Variants in LRRTM3 observed in about 807,000 individuals in gnomAD.
LRRTM3 encodes the protein leucine-rich repeat transmembrane neuronal protein 3.
In LRRTM3, 24 loss-of-function variants were observed where a neutral mutation model predicts 44.7. The ratio of observed to expected loss-of-function variants is 0.54; its 90% CI spans 0.39 to 0.76. The LOEUF is 0.76. Among genes scored for constraint, LRRTM3 ranks in the 30% least tolerant of loss-of-function variants. LRRTM3 has a pLI of 0.00. For synonymous variants in LRRTM3, 277 were observed against 278.7 expected, an observed-to-expected ratio of 0.99 and a Z score of 0.06; for missense variants, 587 against 702.2, an observed-to-expected ratio of 0.84 and a Z score of 1.85.
At chr10:66,956,396 T>C (rs1848794783) in intron 2 of LRRTM3, among the ~76,000 whole-genome samples, 1 of 152,032 alleles carries the variant, frequency 6.6e-6, no homozygotes, top group South Asian at 2.1e-4. Context: ...GCTATCTTGT[T>C]AATGTATTGA....
At chr10:66,995,159 T>C (rs1206196841) in intron 2 of LRRTM3, among the ~76,000 whole-genome samples, 1 of 152,144 alleles carries the variant, frequency 6.6e-6, no homozygotes, top group East Asian at 1.9e-4. Flanking sequence ...TTCCATAATC[T>C]CAAACATAAC....
chr10:67,035,124 C>T (rs1853968776), intron 2 of LRRTM3, among the ~76,000 whole-genome samples: 1 of 152,188 alleles, frequency 6.6e-6, no homozygotes, highest in Non-Finnish European at 1.5e-5. Context: ...GTGCATATTA[C>T]CTCTGCTAGA....
intron 2 of LRRTM3, among the ~76,000 whole-genome samples, chr10:67,007,664 A>C (rs577192021): frequency 1.3e-5 from 2 of 152,040 alleles, no homozygotes; most frequent in Non-Finnish European, 2.9e-5. Context: ...GCCTTCAAAG[A>C]CCACTCAACA....
intron 2 of LRRTM3, among the ~76,000 whole-genome samples, chr10:66,961,061 T>C (rs1849083809): frequency 2.0e-5 from 3 of 152,160 alleles, no homozygotes; most frequent in South Asian, 4.1e-4. Flanking sequence ...CACAAATTAG[T>C]GATACAGTAA....
chr10:67,078,647 G>A (rs1040313797), intron 2 of LRRTM3, among the ~76,000 whole-genome samples: 1 of 151,980 alleles, frequency 6.6e-6, no homozygotes, highest in African/African-American at 2.4e-5. Context: ...CTCCCAAGTA[G>A]CTGGGATTAC....
intron 2 of LRRTM3, among the ~76,000 whole-genome samples, chr10:66,997,956 C>T (rs1851451434): frequency 1.3e-5 from 2 of 152,166 alleles, no homozygotes; most frequent in Non-Finnish European, 2.9e-5. Flanking sequence ...AAGTTCACTA[C>T]CACTGCTTCA....
At chr10:66,976,963 C>T (rs1004074254) in intron 2 of LRRTM3, among the ~76,000 whole-genome samples, 6 of 151,952 alleles carry the variant, frequency 3.9e-5, no homozygotes, top group Non-Finnish European at 5.9e-5. Flanking sequence ...CTAGTATGGG[C>T]GAGTTTATTG....
intron 2 of LRRTM3, among the ~76,000 whole-genome samples, chr10:66,929,506 C>T (rs1346240076): frequency 6.6e-6 from 1 of 152,196 alleles, no homozygotes; most frequent in Non-Finnish European, 1.5e-5. Context: ...ATGACAGACA[C>T]TTCATTCAGA....
chr10:66,928,520 G>C, intron 2 of LRRTM3, 68 bp downstream of exon 2: 4 of 1,441,116 alleles, frequency 2.8e-6, no homozygotes, highest in Non-Finnish European at 3.7e-6. Flanking sequence ...TTGAACTCTG[G>C]TGACTATCAA....
intron 2 of LRRTM3, among the ~76,000 whole-genome samples, chr10:67,035,075 G>A (rs377458170): frequency 7.2e-5 from 11 of 152,108 alleles, no homozygotes; most frequent in African/African-American, 1.7e-4. Context: ...TGATAGCTCC[G>A]CATAGCCCAA....
chr10:66,929,079 G>A (rs1227752151), intron 2 of LRRTM3, among the ~76,000 whole-genome samples: 1 of 152,198 alleles, frequency 6.6e-6, no homozygotes, highest in African/African-American at 2.4e-5. Context: ...GGGACAAAGT[G>A]ATGAAGGGTT....
intron 2 of LRRTM3, among the ~76,000 whole-genome samples, chr10:67,034,975 C>T (rs1429847418): frequency 1.3e-5 from 2 of 152,182 alleles, no homozygotes; most frequent in Non-Finnish European, 2.9e-5. Flanking sequence ...ATACTAGGAA[C>T]TCTTGGAAGG....
intron 2 of LRRTM3, among the ~76,000 whole-genome samples, chr10:67,081,907 G>T (rs971053150): frequency 6.6e-6 from 1 of 152,176 alleles, no homozygotes; most frequent in Non-Finnish European, 1.5e-5. Flanking sequence ...CACTAGTTAT[G>T]TTTATATGCA....
intron 2 of LRRTM3, among the ~76,000 whole-genome samples, chr10:67,050,757 G>T (rs1197786193): frequency 6.6e-6 from 1 of 152,162 alleles, no homozygotes; most frequent in Non-Finnish European, 1.5e-5. Context: ...TATTTACTTC[G>T]ATTTGTAGCT....
chr10:66,928,137 G>C lies in LRRTM3; in HGVS notation c.1221G>C (p.Glu407Asp). The C allele has an allele frequency of 6.2e-7, 1 of 1,614,084 alleles. No homozygotes were observed. Among genetic ancestry groups the C allele is most frequent in the Non-Finnish European group, 8.5e-7 (1 of 1,180,048 alleles). The change falls in exon 2 of 3, where the codon GAG becomes GAC. Residue 407 changes from glutamate to aspartate, a missense_variant. Coordinates refer to ENST00000361320, the MANE Select transcript of LRRTM3 (RefSeq NM_178011.5). ...TGGGAGCCACAGAGCCCGGCCCAGAGACCGATGCTGACGCCGAGCACATCT... is the reference window on the plus strand; with the variant it reads ...TGGGAGCCACAGAGCCCGGCCCAGACACCGATGCTGACGCCGAGCACATCT... ...PTVGATEPGP[E>D]TDADAEHISF...
At chr10:67,068,187 T>A (rs1237477565) in intron 2 of LRRTM3, among the ~76,000 whole-genome samples, 1 of 151,962 alleles carries the variant, frequency 6.6e-6, no homozygotes, top group African/African-American at 2.4e-5. Context: ...GGGGGAAGGA[T>A]ATATAATATT....
At chr10:67,086,251 A>G (rs550379334) in intron 2 of LRRTM3, among the ~76,000 whole-genome samples, 1 of 152,002 alleles carries the variant, frequency 6.6e-6, no homozygotes, top group African/African-American at 2.4e-5. Flanking sequence ...CATCTGAAGG[A>G]TTTTCTTTAA....
intron 2 of LRRTM3, among the ~76,000 whole-genome samples, chr10:67,068,370 T>C (rs1856221514): frequency 6.6e-6 from 1 of 152,172 alleles, no homozygotes; most frequent in South Asian, 2.1e-4. Flanking sequence ...AGGTAGGAAT[T>C]CAGTCTTGCA....
chr10:67,087,319 A>G (rs1857361170), intron 2 of LRRTM3, among the ~76,000 whole-genome samples: 1 of 152,058 alleles, frequency 6.6e-6, no homozygotes, highest in Non-Finnish European at 1.5e-5. Context: ...CCTGGAGATC[A>G]TGAGCAGTGC....
Sources: allele counts gnomAD v4.1 joint callset (sites outside exome capture counted in the v4.1 genomes callset), GRCh38; gene constraint gnomAD v4.1.1; transcripts MANE v1.5; gene names NCBI Gene and HGNC (gene_info 2026-07-23, HGNC 2026-07-21).